STOX2: variants seen among roughly 807,000 people sequenced by gnomAD.
STOX2 encodes the protein storkhead-box protein 2.
Under a neutral mutation model 60.9 loss-of-function variants are expected in STOX2, and 28 were observed. The observed-to-expected ratio is 0.46, with a 90% confidence interval of 0.34 to 0.63. The LOEUF (loss-of-function observed/expected upper bound fraction) is 0.63. Among genes scored for constraint, STOX2 ranks in the 30% least tolerant of loss-of-function variants. The pLI, the probability that STOX2 is intolerant of heterozygous loss-of-function variation, is 0.01. For missense variants in STOX2, 1,024 were observed against 1,187.7 expected, an observed-to-expected ratio of 0.86 and a Z score of 2.03; for synonymous variants, 472 against 463.9, an observed-to-expected ratio of 1.02 and a Z score of -0.22.
intron 1 of STOX2, among the ~76,000 whole-genome samples, chr4:183,887,639 A>T (rs1046043685): frequency 6.6e-6 from 1 of 152,250 alleles, no homozygotes; most frequent in South Asian, 2.1e-4. Context: ...CTTGGAGGGA[A>T]TAAAGCCTTA....
intron 1 of STOX2, among the ~76,000 whole-genome samples, chr4:183,946,580 CTTG>C (rs1189028802): frequency 6.6e-6 from 1 of 151,032 alleles, no homozygotes; most frequent in Non-Finnish European, 1.5e-5. Flanking sequence ...GACTTTTTTT[CTTG>C]TTGTTATTCC....
At chr4:184,006,921 C>A (rs1482843525) in intron 2 of STOX2, among the ~76,000 whole-genome samples, 2 of 139,938 alleles carry the variant, frequency 1.4e-5, no homozygotes, top group East Asian at 2.1e-4. Context: ...GAGGCTGAGG[C>A]AGGAGAATGG....
At chr4:183,809,579 A>G (rs1291141906) in intron 1 of STOX2, among the ~76,000 whole-genome samples, 1 of 152,192 alleles carries the variant, frequency 6.6e-6, no homozygotes, top group East Asian at 1.9e-4. Context: ...TTCTACTTTT[A>G]GTAGAGACGG....
intron 1 of STOX2, among the ~76,000 whole-genome samples, chr4:183,875,096 G>T (rs1162972898): frequency 6.7e-6 from 1 of 149,632 alleles, no homozygotes; most frequent in Admixed American, 6.7e-5. Context: ...AAGAGCTCCT[G>T]TCCTTCCACT....
At chr4:183,986,680 G>C (rs139947319) in intron 1 of STOX2, among the ~76,000 whole-genome samples, 16 of 152,388 alleles carry the variant, frequency 1.0e-4, no homozygotes, top group Non-Finnish European at 2.1e-4. Context: ...TGGCGCAGAA[G>C]CGGGTTATAC....
At chr4:183,801,091 C>A (rs1223589403) in intron 1 of STOX2, among the ~76,000 whole-genome samples, 1 of 152,170 alleles carries the variant, frequency 6.6e-6, no homozygotes, top group Non-Finnish European at 1.5e-5. Context: ...ATGGTTCTAA[C>A]CAACTGTAAA....
intron 1 of STOX2, among the ~76,000 whole-genome samples, chr4:183,972,965 G>A (rs754415426): frequency 1.0e-3 from 152 of 152,012 alleles, no homozygotes; most frequent in Non-Finnish European, 9.7e-4. Flanking sequence ...AAATTCATGG[G>A]TGGGCTCAAC....
At chr4:183,948,244 A>C (rs1203241360) in intron 1 of STOX2, among the ~76,000 whole-genome samples, 10 of 146,550 alleles carry the variant, frequency 6.8e-5, no homozygotes, top group African/African-American at 1.3e-4. Flanking sequence ...AAAAAAAAAA[A>C]CACGAAAAAG....
chr4:183,863,868 A>G (rs1172723184), intron 1 of STOX2, among the ~76,000 whole-genome samples: 1 of 152,198 alleles, frequency 6.6e-6, no homozygotes, highest in Non-Finnish European at 1.5e-5. Context: ...CTTGGAGGAA[A>G]TGTTTTTGAT....
chr4:184,017,149 C>T lies in STOX2; in HGVS notation c.2646C>T (p.Asn882=). The change falls in exon 4 of 4, where the codon AAC becomes AAT. Residue 882 remains asparagine (N), a synonymous_variant. Coordinates refer to ENST00000308497, the MANE Select transcript of STOX2 (RefSeq NM_020225.3). The stretch of plus-strand genomic sequence containing the variant: ...TTGTTGAAAGTAACCGTCGTCAGAA[C>T]CCCGCTTTGAGCCCGGCCCATGGTG... ...SSIVESNRRQ[N]PALSPAHGGA... is the part of the protein sequence containing the mutation. 2 of 1,613,872 alleles carry T rather than the reference C, an allele frequency of 1.2e-6. No individual in the cohort carries two copies. The highest frequency in any genetic ancestry group is 2.2e-5 in the East Asian group (1 of 44,888).
At position 183,825,259 on chromosome 4, in the gene STOX2, A is replaced by G. The variant is rs1362810980; in HGVS notation, c.364+27204A>G. On this transcript the variant is annotated intron_variant, in intron 1 of 2. Transcript: ENST00000513034. The surrounding 1 kb of genome is among the most constrained non-coding windows in gnomAD (Gnocchi z 4.1). ...TTTGAGGATCTTGAGCTAATTATGC[A>G]TGAGGAGGAGAGGCTGTGGGCGAGG... Among the ~76,000 whole-genome samples, 1 of 152,146 alleles carries G rather than the reference A, an allele frequency of 6.6e-6. No individual in the cohort carries two copies. Among genetic ancestry groups the G allele is most frequent in the East Asian group, 1.9e-4 (1 of 5,176 alleles).
chr4:184,008,382 G>T (rs1002866250), intron 2 of STOX2, among the ~76,000 whole-genome samples: 3 of 152,162 alleles, frequency 2.0e-5, no homozygotes, highest in Non-Finnish European at 4.4e-5. Flanking sequence ...TTTTCATCTG[G>T]TGTGTCTATT....
intron 1 of STOX2, among the ~76,000 whole-genome samples, chr4:183,844,006 G>C (rs953642864): frequency 5.3e-5 from 8 of 151,996 alleles, no homozygotes; most frequent in African/African-American, 1.9e-4. Flanking sequence ...TTATTTAATT[G>C]CATCTACTCC....
At chr4:183,970,626 A>G (rs1743715633) in intron 1 of STOX2, among the ~76,000 whole-genome samples, 1 of 152,210 alleles carries the variant, frequency 6.6e-6, no homozygotes, top group African/African-American at 2.4e-5. Flanking sequence ...CCCCGCTCTC[A>G]GCTAGAGGCA....
chr4:183,833,434 G>A (rs1412580280), intron 1 of STOX2, among the ~76,000 whole-genome samples: 1 of 152,064 alleles, frequency 6.6e-6, no homozygotes, highest in East Asian at 1.9e-4. Flanking sequence ...CCACATAAAA[G>A]ATCAAACATT....
chr4:183,799,195 T>C (rs1300899855), intron 1 of STOX2, among the ~76,000 whole-genome samples: 7 of 152,254 alleles, frequency 4.6e-5, no homozygotes, highest in Admixed American at 3.9e-4. Context: ...AAGAGATCTT[T>C]ACAAAGCTTT....
intron 1 of STOX2, among the ~76,000 whole-genome samples, chr4:183,944,367 C>G (rs1742831508): frequency 6.6e-6 from 1 of 152,288 alleles, no homozygotes; most frequent in Non-Finnish European, 1.5e-5. Context: ...CACTCAAATA[C>G]TACATTAAGA....
intron 1 of STOX2, among the ~76,000 whole-genome samples, chr4:183,946,842 G>T (rs1352747264): frequency 6.6e-6 from 1 of 152,076 alleles, no homozygotes; most frequent in African/African-American, 2.4e-5. Flanking sequence ...GGTCAGGCTG[G>T]TCTCGAACTC....
At position 184,010,972 on chromosome 4, in the gene STOX2, T is replaced by A. The variant is rs919909101; in HGVS notation, c.2134T>A (p.Ser712Thr). The change falls in exon 3 of 4, where the codon TCT (serine) becomes ACT (threonine). Residue 712 changes from serine to threonine, a missense_variant. By Grantham distance (58) the Ser-to-Thr change is moderately conservative. Coordinates refer to ENST00000308497, the MANE Select transcript of STOX2 (RefSeq NM_020225.3). The surrounding 1 kb of genome is among the most constrained non-coding windows in gnomAD (Gnocchi z 4.5). ...GTTCAAACCTCTTCACAGCACCTTG[T>A]CTGTAAACAGCTATCACAAGTCGAG... is the stretch of plus-strand genomic sequence containing the variant. ...TLFKPLHSTLSVNSYHKSSLS... is the reference protein window; with the variant it reads ...TLFKPLHSTLTVNSYHKSSLS... 4 of 1,613,398 alleles carry A rather than the reference T, an allele frequency of 2.5e-6. No homozygotes were observed. The African/African-American group carries it at 5.3e-5, about 22-fold the overall frequency.
Sources: gnomAD v4.1 joint callset for allele counts (sites outside exome capture counted in the v4.1 genomes callset) on GRCh38, gnomAD v4.1.1 for gene constraint, Gnocchi (gnomAD v3.1) non-coding constraint, MANE v1.5 for transcripts, NCBI Gene and HGNC (gene_info 2026-07-23, HGNC 2026-07-21) for gene names.